MYH7B: variants seen among roughly 807,000 people sequenced by gnomAD.
The protein encoded by MYH7B is myosin heavy chain 7B.
In MYH7B, 205 loss-of-function variants were observed where a neutral mutation model predicts 234.5. The ratio of observed to expected loss-of-function variants is 0.87; its 90% CI spans 0.78 to 0.98. MYH7B has a LOEUF of 0.98. Ranked by LOEUF, MYH7B falls within the 50% of genes least tolerant of loss-of-function variation. MYH7B has a pLI of 0.00. For synonymous variants in MYH7B, 1,193 were observed against 1,105.0 expected, an observed-to-expected ratio of 1.08 and a Z score of -1.58; for missense variants, 2,652 against 2,633.4, an observed-to-expected ratio of 1.01 and a Z score of -0.15.
exon 43 of MYH7B, chr20:35,001,505 C>T (rs1484896800): frequency 6.2e-7 from 1 of 1,609,530 alleles, no homozygotes; most frequent in Admixed American, 1.7e-5. Context: ...TCAAGAGCTA[C>T]AAGCGCCAGT....
At chr20:34,971,615 C>G (rs1600410727) in intron 2 of MYH7B, among the ~76,000 whole-genome samples, 2 of 152,204 alleles carry the variant, frequency 1.3e-5, no homozygotes, top group East Asian at 1.9e-4. Flanking sequence ...GGTCGTGGGC[C>G]CCTTTCTGGG....
chr20:34,967,012 C>T (rs1600407033), intron 2 of MYH7B, among the ~76,000 whole-genome samples: 4 of 151,638 alleles, frequency 2.6e-5, no homozygotes, highest in South Asian at 2.1e-4. Context: ...GGGTGGATCA[C>T]GAGGTCAGGA....
exon 16 of MYH7B, chr20:34,987,277 T>C (rs2082046955): frequency 3.1e-6 from 5 of 1,610,764 alleles, no homozygotes; most frequent in African/African-American, 1.3e-5. Flanking sequence ...CGGAGGCCGA[T>C]GGCACTGAGA....
chr20:34,988,345 G>A, intron 19 of MYH7B, 83 bp downstream of exon 19: 1 of 1,464,934 alleles, frequency 6.8e-7, no homozygotes, highest in Non-Finnish European at 9.3e-7. Flanking sequence ...GGCTTGCATG[G>A]AAGCCTGCAA....
chr20:34,959,713 G>A (rs1482689510), intron 2 of MYH7B, among the ~76,000 whole-genome samples: 3 of 152,072 alleles, frequency 2.0e-5, no homozygotes, highest in Non-Finnish European at 2.9e-5. Flanking sequence ...TCCTGACCTC[G>A]TGATCTGCCT....
exon 36 of MYH7B, chr20:34,999,371 G>A (rs1259046531): frequency 6.5e-7 from 1 of 1,534,720 alleles, no homozygotes; most frequent in Admixed American, 2.1e-5. Flanking sequence ...TTGAAGCCCT[G>A]GAGACGCTCA....
At chr20:34,985,121 T>C (rs1434957379) in exon 13 of MYH7B, 1 of 1,614,068 alleles carries the variant, frequency 6.2e-7, no homozygotes, top group South Asian at 1.1e-5. Flanking sequence ...TCCGCGGATA[T>C]TGACAGCTGT....
exon 17 of MYH7B, chr20:34,987,670 G>C (rs749585221): frequency 5.6e-6 from 9 of 1,612,920 alleles, no homozygotes; most frequent in Non-Finnish European, 6.8e-6. Context: ...CCAGAGTGTG[G>C]AGCAGGTGAG....
At chr20:34,989,194 G>T (rs922448458) in intron 19 of MYH7B, among the ~76,000 whole-genome samples, 19 of 152,246 alleles carry the variant, frequency 1.2e-4, no homozygotes, top group African/African-American at 4.3e-4. Context: ...CTCATGGCAA[G>T]AGTAGTTCAT....
chr20:34,971,446 T>C (rs2081793208), intron 2 of MYH7B, among the ~76,000 whole-genome samples: 1 of 140,996 alleles, frequency 7.1e-6, no homozygotes, highest in South Asian at 2.3e-4. Flanking sequence ...GCATCTCTCC[T>C]CTGGATAAAC....
chr20:34,977,802 AGG>A, intron 4 of MYH7B, 122 bp downstream of exon 4: 31 of 1,504,456 alleles, frequency 2.1e-5, no homozygotes, highest in Non-Finnish European at 2.8e-5. Context: ...CTGGTGTTTG[AGG>A]GTGTGCATGT....
chr20:34,980,757 C>T (rs2081930297), intron 8 of MYH7B, 23 bp downstream of exon 8: 5 of 1,607,270 alleles, frequency 3.1e-6, no homozygotes, highest in East Asian at 2.2e-5. Context: ...TGGACTCCTC[C>T]CCAACCGCAG....
chr20:34,982,352 G>GC (rs2081952544), intron 9 of MYH7B, 107 bp from the exon 10 acceptor site: 2 of 936,060 alleles, frequency 2.1e-6, no homozygotes. Context: ...GGGGTTTCAA[G>GC]CTGGGGGGAA....
chr20:34,975,711 G>C (rs1189341273), intron 3 of MYH7B, among the ~76,000 whole-genome samples: 1 of 152,058 alleles, frequency 6.6e-6, no homozygotes, highest in Non-Finnish European at 1.5e-5. Flanking sequence ...ATATCGCCAA[G>C]TTTGGCACTG....
intron 16 of MYH7B, 72 bp from the exon 17 acceptor site, chr20:34,987,485 A>C: frequency 6.9e-7 from 1 of 1,452,140 alleles, no homozygotes; most frequent in South Asian, 1.3e-5. Context: ...TCCTAGCCCC[A>C]GGCTGAGGCA....
chr20:34,989,906 A>G (rs914692245), exon 20 of MYH7B: 1 of 1,613,962 alleles, frequency 6.2e-7, no homozygotes, highest in Non-Finnish European at 8.5e-7. Flanking sequence ...GAGGTGGTCC[A>G]CTACGCAGGC....
At chr20:34,977,078 CACTCCTT>C (rs2081865861) in intron 3 of MYH7B, among the ~76,000 whole-genome samples, 3 of 109,780 alleles carry the variant, frequency 2.7e-5, no homozygotes, top group South Asian at 6.3e-4. Context: ...CTCTCCCTCT[CACTCCTT>C]CTCTTTTTGA....
chr20:34,990,856 C>T (rs756800516), intron 23 of MYH7B, 31 bp downstream of exon 23: 4 of 1,611,482 alleles, frequency 2.5e-6, no homozygotes, highest in South Asian at 1.1e-5. Context: ...TGGCTGGGGC[C>T]GGGAGGCATC....
intron 18 of MYH7B, 28 bp downstream of exon 18, chr20:34,987,942 TG>T (rs755791002): frequency 1.9e-6 from 3 of 1,568,750 alleles, no homozygotes. Context: ...CCTTGGCCTC[TG>T]TTCTCTCCAA....
Sources: gnomAD v4.1 joint callset for allele counts (sites outside exome capture counted in the v4.1 genomes callset) on GRCh38, gnomAD v4.1.1 for gene constraint, MANE v1.5 for transcripts, NCBI Gene and HGNC (gene_info 2026-07-23, HGNC 2026-07-21) for gene names.